TRPM1: variants seen among roughly 807,000 people sequenced by gnomAD.
The protein encoded by TRPM1 is TRPM1-203 APA Isoform, Intron 10.
A neutral mutation model predicts 149.4 loss-of-function variants in TRPM1; 113 were observed. The observed-to-expected ratio is 0.76, with a 90% CI of 0.65 to 0.88. TRPM1 has a LOEUF of 0.88. Ranked by LOEUF, TRPM1 falls within the 40% of genes least tolerant of loss-of-function variation. TRPM1 has a pLI of 0.00. For synonymous variants in TRPM1, 741 were observed against 759.5 expected (o/e 0.98, Z 0.40); for missense variants, 1,976 against 2,038.7 (o/e 0.97, Z 0.59).
At chr15:31,101,109 T>C (rs974428895) in intron 1 of TRPM1, among the ~76,000 whole-genome samples, 1 of 152,202 alleles carries the variant, frequency 6.6e-6, no homozygotes, top group Admixed American at 6.5e-5. Context: ...CTTACAAGTA[T>C]AAACCCTGTC....
intron 1 of TRPM1, among the ~76,000 whole-genome samples, chr15:31,088,356 C>T (rs181983715): frequency 6.6e-6 from 1 of 152,196 alleles, no homozygotes; most frequent in Non-Finnish European, 1.5e-5. Context: ...AAGCTTTCTT[C>T]TTTTTGTTCT....
At position 31,026,280 on chromosome 15, in the gene TRPM1, A is replaced by G; in HGVS notation, c.3497-9T>C. 1 of 1,609,550 alleles carries G rather than the reference A, an allele frequency of 6.2e-7. No homozygotes were observed. The highest frequency in any genetic ancestry group is 8.5e-7 in the Non-Finnish European group (1 of 1,180,002). ...GTCGCTAAGGAAGAGCTCTGTGTGA[A>G]GGGAGAAGTGTCGGCCACGTGAAAA... On this transcript the variant is annotated splice_polypyrimidine_tract_variant and intron_variant, in intron 26 of 27. Coordinates refer to ENST00000256552, the MANE Select transcript of TRPM1 (RefSeq NM_001252024.2).
chr15:31,143,327 G>A (rs1414206812), intron 1 of TRPM1, among the ~76,000 whole-genome samples: 1 of 152,180 alleles, frequency 6.6e-6, no homozygotes, highest in Non-Finnish European at 1.5e-5. Flanking sequence ...GAAGAATTAC[G>A]AGTTTTTACA....
chr15:31,078,470 G>A (rs1006090331), intron 2 of TRPM1, among the ~76,000 whole-genome samples: 1 of 152,176 alleles, frequency 6.6e-6, no homozygotes, highest in African/African-American at 2.4e-5. Context: ...TAGAAATGAT[G>A]AAAATTCAAA....
At chr15:31,091,378 A>T (rs568183693) in intron 1 of TRPM1, among the ~76,000 whole-genome samples, 1 of 152,338 alleles carries the variant, frequency 6.6e-6, no homozygotes, top group South Asian at 2.1e-4. Context: ...TGTTAAATGG[A>T]CTTCTGGGGC....
intron 1 of TRPM1, among the ~76,000 whole-genome samples, chr15:31,111,025 GT>G (rs1323164316): frequency 2.6e-5 from 4 of 151,658 alleles, no homozygotes; most frequent in Admixed American, 6.6e-5. Flanking sequence ...GCATTTAATG[GT>G]TTTTTGTTTC....
chr15:31,072,018 T>TATAGAGAGAGAGAGAGAG (rs1400392427), intron 3 of TRPM1, among the ~76,000 whole-genome samples: 3 of 36,902 alleles, frequency 8.1e-5, no homozygotes, highest in African/African-American at 3.3e-4. Context: ...TATATATATA[T>TATAGAGAGAGAGAGAGAG]AGAGAGAGAG....
At chr15:31,157,087 A>AT (rs983803216) in intron 1 of TRPM1, among the ~76,000 whole-genome samples, 60 of 151,732 alleles carry the variant, frequency 4.0e-4, no homozygotes, top group African/African-American at 1.3e-3. Context: ...AATTTTTTGT[A>AT]TTTTTCATAG....
chr15:31,088,672 A>G (rs77499931), intron 1 of TRPM1, among the ~76,000 whole-genome samples: 3,399 of 152,290 alleles, frequency 0.022, 134 homozygotes, highest in African/African-American at 0.077. Context: ...TAGGATGGGC[A>G]TTTCATACTA....
chr15:31,017,001 T>A (rs1363143974), intron 27 of TRPM1, among the ~76,000 whole-genome samples: 1 of 151,316 alleles, frequency 6.6e-6, no homozygotes, highest in Non-Finnish European at 1.5e-5. Context: ...AAAAAAAACT[T>A]GTTTTTTAAA....
chr15:31,085,174 G>T (rs1324000078), intron 1 of TRPM1, among the ~76,000 whole-genome samples: 1 of 152,120 alleles, frequency 6.6e-6, no homozygotes, highest in Non-Finnish European at 1.5e-5. Flanking sequence ...AGAAAAAGGA[G>T]AATGTGCCCA....
At position 31,035,546 on chromosome 15, in the gene TRPM1, C is replaced by T; in HGVS notation, c.2700G>A (p.Glu900=). 6.2e-7 allele frequency: 1 copy of T among 1,614,124 alleles called. No individual in the cohort carries two copies. Among genetic ancestry groups the T allele is most frequent in the Non-Finnish European group, 8.5e-7 (1 of 1,180,012 alleles). The change falls in exon 21 of 28, where the codon GAG becomes GAA. Residue 900 remains glutamate, a splice_region_variant and synonymous_variant. Coordinates refer to ENST00000256552, the MANE Select transcript of TRPM1 (RefSeq NM_001252024.2). ...TGGGGGAGGCCTTTGGAGTAGCCAC[C>T]TCTCGTATCTTCTCTAACGCCAGGC... ...IVSLALEKIR[E]ILMSEPGKLS... is the part of the protein sequence containing the mutation.
At chr15:31,072,463 T>C (rs1254464331) in intron 3 of TRPM1, among the ~76,000 whole-genome samples, 3 of 152,178 alleles carry the variant, frequency 2.0e-5, no homozygotes, top group East Asian at 3.8e-4. Flanking sequence ...TCAGCTGTTA[T>C]GAATAATGCT....
At chr15:31,119,942 AAAGAC>A (rs1468423428) in intron 1 of TRPM1, among the ~76,000 whole-genome samples, 3 of 152,106 alleles carry the variant, frequency 2.0e-5, no homozygotes, top group Admixed American at 2.0e-4. Context: ...GAAGGGAAGA[AAAGAC>A]AAATGTAATA....
chr15:31,065,099 G>A (rs1306732544), intron 7 of TRPM1: 10 of 534,630 alleles, frequency 1.9e-5, no homozygotes, highest in East Asian at 5.4e-5. Context: ...AGCCCTAGGC[G>A]AAGGATGACA....
At chr15:31,089,991 A>G (rs1481201770) in intron 1 of TRPM1, among the ~76,000 whole-genome samples, 1 of 152,170 alleles carries the variant, frequency 6.6e-6, no homozygotes, top group Non-Finnish European at 1.5e-5. Context: ...TAAAATTTAA[A>G]ACAAATGAAA....
At chr15:31,092,382 G>A (rs2035263191) in intron 1 of TRPM1, among the ~76,000 whole-genome samples, 1 of 152,168 alleles carries the variant, frequency 6.6e-6, no homozygotes, top group Non-Finnish European at 1.5e-5. Flanking sequence ...TTTGGTAGGG[G>A]CTCTGGGAGG....
intron 3 of TRPM1, among the ~76,000 whole-genome samples, chr15:31,071,391 C>T (rs1338654384): frequency 1.3e-5 from 2 of 151,958 alleles, no homozygotes; most frequent in Non-Finnish European, 2.9e-5. Flanking sequence ...CTTTACTGGG[C>T]TAGATGTGCG....
At chr15:31,118,143 C>T (rs1208656130) in intron 1 of TRPM1, among the ~76,000 whole-genome samples, 1 of 151,986 alleles carries the variant, frequency 6.6e-6, no homozygotes, top group Non-Finnish European at 1.5e-5. Context: ...CCTGTAATCT[C>T]ACTACTCGGG....
Sources: allele counts gnomAD v4.1 joint callset (sites outside exome capture counted in the v4.1 genomes callset), GRCh38; gene constraint gnomAD v4.1.1; transcripts MANE v1.5; gene names NCBI Gene and HGNC (gene_info 2026-07-23, HGNC 2026-07-21).